ABCC5: variants seen among roughly 807,000 people sequenced by gnomAD.
The protein encoded by ABCC5 is ATP binding cassette subfamily C member 5, also known as ATP-binding cassette sub-family C member 5.
ABCC5 carries 61 observed loss-of-function variants against 160.9 expected under a neutral mutation model. The ratio of observed to expected loss-of-function variants is 0.38; its 90% CI spans 0.31 to 0.47. The LOEUF is 0.47. Among genes scored for constraint, ABCC5 ranks in the 20% least tolerant of loss-of-function variants. The pLI is 0.99. For synonymous variants in ABCC5, 666 were observed against 700.6 expected, an observed-to-expected ratio of 0.95 and a Z score of 0.78; for missense variants, 1,308 against 1,813.3, an observed-to-expected ratio of 0.72 and a Z score of 5.06.
chr3:183,985,633 G>A (rs1719145054), intron 5 of ABCC5: 1 of 531,770 alleles, frequency 1.9e-6, no homozygotes, highest in Admixed American at 2.7e-5. Context: ...CAGATCATAG[G>A]TGAGGCCTGG....
chr3:183,928,363 C>T (rs1356982217), intron 27 of ABCC5, among the ~76,000 whole-genome samples: 2 of 152,122 alleles, frequency 1.3e-5, no homozygotes, highest in African/African-American at 2.4e-5. Flanking sequence ...CCACCTGCCT[C>T]GGCCTCCCAA....
intron 12 of ABCC5, 200 bp downstream of exon 12, chr3:183,967,495 C>T (rs554285794): frequency 8.8e-5 from 49 of 559,516 alleles, no homozygotes; most frequent in East Asian, 5.7e-4. Flanking sequence ...ATCCATCAGG[C>T]GCCCACCAGG....
Position 183,982,323 on chromosome 3 carries a change from G to C in ABCC5, c.999+128C>G. Reference sequence around the variant, plus strand: ...ATAGAGCAAGCACTATCGAGCTCTAGATTGAACCTGCTTTGAGGAAATTTC... The same window carrying C: ...ATAGAGCAAGCACTATCGAGCTCTACATTGAACCTGCTTTGAGGAAATTTC... On this transcript the variant is annotated intron_variant, in intron 7 of 29. Coordinates refer to ENST00000334444, the MANE Select transcript of ABCC5 (RefSeq NM_005688.4). This position sits in a 1 kb window ranked among gnomAD's most constrained non-coding sequence, Gnocchi z 5.2. 1.8e-6 allele frequency: 2 copies of C among 1,085,388 alleles called. No individual in the cohort carries two copies. Among genetic ancestry groups the C allele is most frequent in the Non-Finnish European group, 2.6e-6 (2 of 764,408 alleles). The allele number at this position is 1,085,388 out of a possible 1,614,324, so 67.2% of individuals were successfully genotyped here.
intron 2 of ABCC5, among the ~76,000 whole-genome samples, chr3:184,006,699 T>C (rs1018897876): frequency 1.3e-5 from 2 of 152,184 alleles, no homozygotes; most frequent in Non-Finnish European, 2.9e-5. Context: ...CAATACATCT[T>C]CGAATCATTT....
At chr3:183,993,210 C>T (rs1396279020) in intron 2 of ABCC5, among the ~76,000 whole-genome samples, 2 of 152,040 alleles carry the variant, frequency 1.3e-5, no homozygotes, top group African/African-American at 2.4e-5. Context: ...CCGGGCTGGG[C>T]GCAGTGGCTC....
intron 2 of ABCC5, among the ~76,000 whole-genome samples, chr3:183,998,923 C>T (rs1720512690): frequency 6.6e-6 from 1 of 151,892 alleles, no homozygotes; most frequent in Admixed American, 6.6e-5. Context: ...AACCTCATCT[C>T]TACTAAAAAT....
intron 27 of ABCC5, chr3:183,927,901 C>T: frequency 2.4e-6 from 2 of 818,218 alleles, no homozygotes; most frequent in Non-Finnish European, 3.0e-6. Context: ...AAACAGAACT[C>T]ATCTACTAAT....
Position 183,989,248 on chromosome 3 carries a change from T to G in ABCC5, c.265A>C (p.Lys89Gln), listed in dbSNP as rs753136768. 1 of 1,611,306 alleles carries G rather than the reference T, an allele frequency of 6.2e-7. No individual in the cohort carries two copies. Among genetic ancestry groups the G allele is most frequent in the East Asian group, 2.2e-5 (1 of 44,708 alleles). The change falls in exon 3 of 30, where the codon AAG (lysine) becomes CAG (glutamine). Residue 89 changes from lysine (K) to glutamine (Q), a missense_variant. Physicochemically the swap from Lys to Gln is moderately conservative, Grantham distance 53. Coordinates refer to ENST00000334444, the MANE Select transcript of ABCC5 (RefSeq NM_005688.4). The part of the protein sequence containing the change: ...GKYHHGLSAL[K>Q]PIRTTSKHQH... The stretch of plus-strand genomic sequence containing the variant: ...TACTTGGAAGTAGTCCGGATGGGCT[T>G]CAGAGCACTCAAGCCATGATGGTAC...
chr3:183,949,074 G>A lies in ABCC5; in HGVS notation c.3227+679C>T, dbSNP rs1464322. Among the ~76,000 whole-genome samples, 34,383 of 152,110 alleles carry A rather than the reference G, an allele frequency of 0.23. 4,801 individuals carry two copies. Among genetic ancestry groups the A allele is most frequent in the Middle Eastern group, 0.33 (96 of 294 alleles). On this transcript the variant is annotated intron_variant, in intron 22 of 29. Transcript: ENST00000334444. The surrounding 1 kb of genome is among the most constrained non-coding windows in gnomAD (Gnocchi z 4.2). ...ATACAATATATTAATACACACATCTGTACTCTGCTGTTTCACTAATATATG... is the reference window on the plus strand; with the variant it reads ...ATACAATATATTAATACACACATCTATACTCTGCTGTTTCACTAATATATG...
At chr3:183,978,705 G>A (rs2108847861) in intron 8 of ABCC5, 54 bp from the exon 9 acceptor site, 2 of 1,582,872 alleles carry the variant, frequency 1.3e-6, no homozygotes, top group East Asian at 4.5e-5. Flanking sequence ...GCCTAGGGAT[G>A]TTGTTCCTCC....
At chr3:183,927,766 A>G (rs765739265) in intron 27 of ABCC5, 6 of 985,476 alleles carry the variant, frequency 6.1e-6, no homozygotes, top group Non-Finnish European at 7.2e-6. Flanking sequence ...AATAGGAAAT[A>G]GTATAGTAAG....
intron 2 of ABCC5, among the ~76,000 whole-genome samples, chr3:183,993,179 A>T (rs1347939574): frequency 2.0e-5 from 3 of 152,120 alleles, no homozygotes; most frequent in Non-Finnish European, 4.4e-5. Context: ...CACTTTTGCA[A>T]ATGTCTTCGT....
At chr3:183,996,317 C>G (rs1051042284) in intron 2 of ABCC5, among the ~76,000 whole-genome samples, 27 of 152,254 alleles carry the variant, frequency 1.8e-4, no homozygotes, top group African/African-American at 5.5e-4. Context: ...CAAAAAAATG[C>G]CAGTTCCTAT....
chr3:183,984,049 G>C (rs1171501829), intron 5 of ABCC5: 1 of 985,284 alleles, frequency 1.0e-6, no homozygotes, highest in Non-Finnish European at 1.2e-6. Flanking sequence ...TTCTGCAACG[G>C]AGTAGATTCT....
intron 5 of ABCC5, chr3:183,984,358 G>GTGAA (rs1452025130): frequency 5.1e-6 from 5 of 985,936 alleles, no homozygotes; most frequent in Non-Finnish European, 6.0e-6. Flanking sequence ...AAAAATTGAT[G>GTGAA]TGAAGCCCAT....
At chr3:183,965,293 C>A (rs761809608) in intron 13 of ABCC5, 36 bp from the exon 14 acceptor site, 1 of 1,613,892 alleles carries the variant, frequency 6.2e-7, no homozygotes, top group East Asian at 2.2e-5. Context: ...AGGGACACGG[C>A]GGGAGCAGAG....
intron 2 of ABCC5, among the ~76,000 whole-genome samples, chr3:183,995,114 G>T (rs982283751): frequency 6.6e-6 from 1 of 151,944 alleles, no homozygotes; most frequent in African/African-American, 2.4e-5. Flanking sequence ...CCAAAGTGCT[G>T]AAATTACAGC....
intron 25 of ABCC5, among the ~76,000 whole-genome samples, chr3:183,939,991 T>C (rs1714136694): frequency 6.6e-6 from 1 of 152,044 alleles, no homozygotes; most frequent in African/African-American, 2.4e-5. Flanking sequence ...ACGACCCCAC[T>C]GTCGGGATCT....
chr3:183,960,639 T>C (rs1281056909), intron 16 of ABCC5, among the ~76,000 whole-genome samples: 1 of 152,158 alleles, frequency 6.6e-6, no homozygotes, highest in Non-Finnish European at 1.5e-5. Flanking sequence ...AGGACAGAGA[T>C]GATGTCTCTC....
Sources: allele counts gnomAD v4.1 joint callset (sites outside exome capture counted in the v4.1 genomes callset), GRCh38; gene constraint gnomAD v4.1.1; non-coding constraint Gnocchi (gnomAD v3.1); transcripts MANE v1.5; gene names NCBI Gene and HGNC (gene_info 2026-07-23, HGNC 2026-07-21).